The following RAB10 variants were observed in gnomAD, a reference collection of about 807,000 sequenced individuals.
RAB10 encodes ras-related protein Rab-10.
RAB10 carries 5 observed loss-of-function variants against 25.7 expected under a neutral mutation model. That is an observed-to-expected ratio of 0.19 (90% CI 0.10 to 0.41). RAB10 has a LOEUF of 0.41. Among genes scored for constraint, RAB10 ranks in the 10% least tolerant of loss-of-function variants. RAB10 has a pLI of 1.00. For missense variants in RAB10, 103 were observed against 245.8 expected (o/e 0.42, Z 3.89); for synonymous variants, 89 against 86.4 (o/e 1.03, Z -0.16).
chr2:26,106,260 T>G (rs987333350), intron 2 of RAB10, among the ~76,000 whole-genome samples: 1 of 152,198 alleles, frequency 6.6e-6, no homozygotes, highest in Non-Finnish European at 1.5e-5. Context: ...AGTATTTATA[T>G]GGGAAGGCTA....
At chr2:26,093,201 C>G (rs548268946) in intron 1 of RAB10, among the ~76,000 whole-genome samples, 2 of 152,252 alleles carry the variant, frequency 1.3e-5, no homozygotes, top group East Asian at 3.9e-4. Flanking sequence ...ATATGGTGAG[C>G]ATTTCCCTAC....
At chr2:26,068,617 C>G (rs888441354) in intron 1 of RAB10, among the ~76,000 whole-genome samples, 1 of 152,072 alleles carries the variant, frequency 6.6e-6, no homozygotes, top group African/African-American at 2.4e-5. Context: ...AGACAGAGTT[C>G]TGATCATAGT....
chr2:26,086,563 T>G (rs1446827744), intron 1 of RAB10, among the ~76,000 whole-genome samples: 1 of 152,210 alleles, frequency 6.6e-6, no homozygotes, highest in Non-Finnish European at 1.5e-5. Flanking sequence ...AAACTAAGGT[T>G]TCCCATGTGA....
intron 1 of RAB10, among the ~76,000 whole-genome samples, chr2:26,076,242 A>G (rs1303969021): frequency 6.6e-6 from 1 of 152,176 alleles, no homozygotes; most frequent in Non-Finnish European, 1.5e-5. Flanking sequence ...TTAAAATTTC[A>G]CCTGATGCCA....
At position 26,127,954 on chromosome 2, in the gene RAB10, A is replaced by G. The variant is rs369611867; in HGVS notation, c.519+3A>G. 3.4e-5 allele frequency: 54 copies of G among 1,579,158 alleles called. No homozygotes were observed. In the African/African-American group the frequency reaches 6.3e-4, roughly 19 times the overall value. Reference sequence around the variant, plus strand: ...TAGCTGAAGATATCCTTCGAAAGGTAAGTTCCTGTTTTTATATCCTGCCAG... The same window carrying G: ...TAGCTGAAGATATCCTTCGAAAGGTGAGTTCCTGTTTTTATATCCTGCCAG... On this transcript the variant is annotated splice_donor_region_variant and intron_variant, in intron 5 of 5. Transcript: ENST00000264710.
At chr2:26,099,473 T>C (rs1235967207) in intron 2 of RAB10, among the ~76,000 whole-genome samples, 1 of 151,754 alleles carries the variant, frequency 6.6e-6, no homozygotes, top group Non-Finnish European at 1.5e-5. Flanking sequence ...CTGCTACCCC[T>C]GGTCCCCAGG....
chr2:26,073,825 A>G (rs1451513049), intron 1 of RAB10, among the ~76,000 whole-genome samples: 4 of 152,230 alleles, frequency 2.6e-5, no homozygotes, highest in Admixed American at 2.6e-4. Context: ...AAGAAAACTA[A>G]AAATGGATGT....
intron 1 of RAB10, among the ~76,000 whole-genome samples, chr2:26,036,456 C>G (rs1044427507): frequency 2.0e-5 from 3 of 152,018 alleles, no homozygotes; most frequent in Non-Finnish European, 2.9e-5. Flanking sequence ...GTCGGGAGGT[C>G]AAGACCAGTT....
chr2:26,089,526 A>G (rs1667059528), intron 1 of RAB10, among the ~76,000 whole-genome samples: 1 of 151,738 alleles, frequency 6.6e-6, no homozygotes. Flanking sequence ...CCTCATTTTT[A>G]TTTCTATTAA....
chr2:26,033,487 G>C (rs80069751), upstream of RAB10, among the ~76,000 whole-genome samples: 378 of 152,382 alleles, frequency 2.5e-3, no homozygotes, highest in African/African-American at 8.9e-3. Context: ...AGTCAATCCG[G>C]ATGGAGCGCT....
intron 1 of RAB10, among the ~76,000 whole-genome samples, chr2:26,039,455 C>G (rs1665837157): frequency 6.6e-6 from 1 of 151,622 alleles, no homozygotes; most frequent in Non-Finnish European, 1.5e-5. Context: ...AAGCAATTCT[C>G]CCTGCCTCAG....
intron 3 of RAB10, among the ~76,000 whole-genome samples, chr2:26,121,587 G>A (rs868792193): frequency 1.1e-4 from 17 of 151,966 alleles, no homozygotes; most frequent in Admixed American, 1.3e-4. Context: ...AATATTGGGC[G>A]GGGGGGAAAT....
At chr2:26,096,369 G>A (rs928338007) in intron 1 of RAB10, among the ~76,000 whole-genome samples, 2 of 152,086 alleles carry the variant, frequency 1.3e-5, no homozygotes, top group African/African-American at 4.8e-5. Context: ...GAGTATTTTT[G>A]TAGTGTGCTT....
chr2:26,129,268 C>CAA (rs58007291), intron 5 of RAB10, among the ~76,000 whole-genome samples: 1,972 of 132,968 alleles, frequency 0.015, 152 homozygotes, highest in African/African-American at 0.054. Context: ...GACTCCATCT[C>CAA]AAAAAAAAAA....
intron 1 of RAB10, among the ~76,000 whole-genome samples, chr2:26,097,387 C>T (rs780704008): frequency 1.2e-4 from 18 of 152,158 alleles, no homozygotes; most frequent in Non-Finnish European, 2.1e-4. Context: ...GATTCTTCTG[C>T]GTCAGCCTCC....
At chr2:26,082,165 T>A (rs1349956313) in intron 1 of RAB10, among the ~76,000 whole-genome samples, 1 of 152,078 alleles carries the variant, frequency 6.6e-6, no homozygotes, top group Non-Finnish European at 1.5e-5. Flanking sequence ...AAAGAAATTT[T>A]AAAAAACAAT....
chr2:26,107,316 G>T (rs1667485843), intron 2 of RAB10, among the ~76,000 whole-genome samples: 1 of 142,758 alleles, frequency 7.0e-6, no homozygotes, highest in Non-Finnish European at 1.5e-5. Flanking sequence ...ATCTGTAAAA[G>T]AAAAAAAAAT....
chr2:26,074,222 A>G (rs991561613), intron 1 of RAB10, among the ~76,000 whole-genome samples: 5 of 152,150 alleles, frequency 3.3e-5, no homozygotes, highest in Non-Finnish European at 7.4e-5. Context: ...TACAAAGAGT[A>G]TTTTGAATGA....
In RAB10 at chr2:26,108,879, A is replaced by T. The variant is rs7567321; in HGVS notation, c.189-889A>T. Among the ~76,000 whole-genome samples the T allele has an allele frequency of 6.2e-3, 868 of 139,626 alleles. 5 individuals carry two copies. Among genetic ancestry groups the T allele is most frequent in the Middle Eastern group, 0.015 (4 of 268 alleles). The allele number at this position is 139,626 out of a possible 152,430, so 91.6% of individuals were successfully genotyped here. ...GGTTGAGATTGGGGTCTTTTGCTTT[A>T]TATTTATTTATTTATTTATTTATTT... is the stretch of plus-strand genomic sequence containing the variant. On this transcript the variant is annotated intron_variant, in intron 2 of 5. Coordinates refer to ENST00000264710, the MANE Select transcript of RAB10 (RefSeq NM_016131.5).
Sources: allele counts gnomAD v4.1 joint callset (sites outside exome capture counted in the v4.1 genomes callset), GRCh38; gene constraint gnomAD v4.1.1; transcripts MANE v1.5; gene names NCBI Gene and HGNC (gene_info 2026-07-23, HGNC 2026-07-21).